OOEP: variants seen among roughly 807,000 people sequenced by gnomAD.
The protein encoded by OOEP is oocyte-expressed protein homolog.
In OOEP, 16 loss-of-function variants were observed where a neutral mutation model predicts 13.7. The ratio of observed to expected loss-of-function variants is 1.16; its 90% CI spans 0.79 to 1.77. The LOEUF is 1.77. Among genes scored for constraint, OOEP ranks in the 40% most tolerant of loss-of-function variants. The pLI is 0.00. For missense variants in OOEP, 195 were observed against 193.1 expected (o/e 1.01, Z -0.06); for synonymous variants, 89 against 77.1 (o/e 1.15, Z -0.81).
chr6:73,378,471 T>C (rs926722002), intron 2 of OOEP, among the ~76,000 whole-genome samples: 12 of 152,100 alleles, frequency 7.9e-5, no homozygotes, highest in Admixed American at 2.6e-4. Context: ...TTAAAAATCA[T>C]TGAGGCCAGG....
upstream of OOEP, chr6:73,373,365 C>T (rs577014011): frequency 1.4e-5 from 17 of 1,218,114 alleles, no homozygotes; most frequent in South Asian, 1.8e-4. Context: ...CACTCTGTCA[C>T]CCAGGCTAGA....
intron 2 of OOEP, among the ~76,000 whole-genome samples, chr6:73,380,772 T>C (rs560986662): frequency 7.6e-4 from 116 of 152,092 alleles, no homozygotes; most frequent in African/African-American, 2.6e-3. Flanking sequence ...TCTCAACAGA[T>C]TGTGATTTAT....
chr6:73,370,013 T>C, upstream of OOEP: 1 of 569,476 alleles, frequency 1.8e-6, no homozygotes, highest in South Asian at 2.1e-5. Context: ...ATTGCCTCTT[T>C]GACCTTGAAC....
intron 2 of OOEP, among the ~76,000 whole-genome samples, chr6:73,390,533 T>A (rs2150783720): frequency 6.6e-6 from 1 of 152,208 alleles, no homozygotes; most frequent in Non-Finnish European, 1.5e-5. Flanking sequence ...TTATTTTGCT[T>A]TTTTTGTTTT....
exon 1 of OOEP, chr6:73,394,958 G>T: frequency 1.9e-6 from 3 of 1,614,246 alleles, no homozygotes; most frequent in Non-Finnish European, 8.5e-7. Flanking sequence ...GTTGCTAGTC[G>T]GCGAAGCTCG....
chr6:73,374,380 T>G (rs1352968171), upstream of OOEP, among the ~76,000 whole-genome samples: 2 of 152,078 alleles, frequency 1.3e-5, no homozygotes, highest in African/African-American at 4.8e-5. Flanking sequence ...AGCTTTCCAC[T>G]TCTGTGGTAC....
At chr6:73,371,850 C>T (rs1396581977), upstream of OOEP, among the ~76,000 whole-genome samples, 1 of 152,132 alleles carries the variant, frequency 6.6e-6, no homozygotes, top group Non-Finnish European at 1.5e-5. Context: ...ATTGCTTGAA[C>T]CCCAGAGGCA....
intron 2 of OOEP, among the ~76,000 whole-genome samples, chr6:73,379,873 C>T (rs944619322): frequency 2.0e-5 from 3 of 152,078 alleles, no homozygotes; most frequent in African/African-American, 7.2e-5. Flanking sequence ...CAGGCATCAG[C>T]CACCATGCCC....
chr6:73,394,588 A>C, intron 1 of OOEP: 1 of 357,330 alleles, frequency 2.8e-6, no homozygotes, highest in Non-Finnish European at 5.1e-6. Flanking sequence ...GTTTGGAAAA[A>C]GTCCCACGCC....
intron 2 of OOEP, among the ~76,000 whole-genome samples, chr6:73,380,947 G>A (rs914680268): frequency 2.0e-5 from 3 of 151,948 alleles, no homozygotes; most frequent in Non-Finnish European, 4.4e-5. Context: ...TTAGGAGTTC[G>A]AGACCAGCCT....
chr6:73,368,646 TTGCAACAAAATA>T lies in OOEP; in HGVS notation c.*126_*137del. On this transcript the variant is annotated 3_prime_UTR_variant, in exon 3 of 3. Coordinates refer to ENST00000370359, the MANE Select transcript of OOEP (RefSeq NM_001080507.3). The stretch of plus-strand genomic sequence containing the variant: ...TTATTAGAATAGTTCAAACTCACTC[TTGCAACAAAATA>T]AACCACAATCCATCAAGACACAGGA... 2 of 637,716 alleles carry T rather than the reference TTGCAACAAAATA, an allele frequency of 3.1e-6. No homozygotes were observed. The highest frequency in any genetic ancestry group is 5.2e-5 in the Admixed American group (2 of 38,206). The allele number at this position is 637,716 out of a possible 1,614,324, so 39.5% of individuals were successfully genotyped here. A position where few individuals can be genotyped will look rare whatever the true frequency, so the allele number is the denominator to read the frequency against.
intron 2 of OOEP, among the ~76,000 whole-genome samples, chr6:73,375,973 G>A (rs1769132955): frequency 6.6e-6 from 1 of 151,742 alleles, no homozygotes. Context: ...TTGTAAAGAC[G>A]GGGTTTTACC....
intron 2 of OOEP, among the ~76,000 whole-genome samples, chr6:73,392,618 T>C (rs1415056200): frequency 2.1e-5 from 2 of 93,024 alleles, no homozygotes; most frequent in Admixed American, 1.5e-4. Context: ...TCCTAGGTAA[T>C]CTTTTTTTTT....
At chr6:73,383,592 G>C (rs192235832) in intron 2 of OOEP, among the ~76,000 whole-genome samples, 28 of 152,036 alleles carry the variant, frequency 1.8e-4, no homozygotes, top group African/African-American at 6.8e-4. Flanking sequence ...CCGAGATTGC[G>C]CCACTGCACT....
At chr6:73,394,852 C>A in exon 1 of OOEP, 2 of 1,591,516 alleles carry the variant, frequency 1.3e-6, no homozygotes, top group Non-Finnish European at 1.7e-6. Flanking sequence ...ACGTCACGGT[C>A]AGGTGGTGCA....
chr6:73,395,104 G>T, upstream of OOEP: 1 of 1,614,152 alleles, frequency 6.2e-7, no homozygotes, highest in Non-Finnish European at 8.5e-7. Flanking sequence ...TGGTCACGAG[G>T]AACTGCCGCT....
At chr6:73,385,162 T>C (rs150263089) in intron 2 of OOEP, among the ~76,000 whole-genome samples, 121 of 151,614 alleles carry the variant, frequency 8.0e-4, no homozygotes, top group African/African-American at 2.3e-3. Flanking sequence ...CTGGCTAACA[T>C]GGTGAAACCC....
chr6:73,393,043 C>T (rs1057014837), intron 2 of OOEP, among the ~76,000 whole-genome samples: 1 of 151,758 alleles, frequency 6.6e-6, no homozygotes. Context: ...GCTGGGATTA[C>T]AGCCATGAGC....
intron 2 of OOEP, chr6:73,394,291 CT>C: frequency 1.4e-6 from 1 of 713,192 alleles, no homozygotes; most frequent in Non-Finnish European, 2.6e-6. Flanking sequence ...TTTTGTCAAT[CT>C]GTTGTTTCAA....
Sources: allele counts gnomAD v4.1 joint callset (sites outside exome capture counted in the v4.1 genomes callset), GRCh38; gene constraint gnomAD v4.1.1; transcripts MANE v1.5; gene names NCBI Gene and HGNC (gene_info 2026-07-23, HGNC 2026-07-21).